Variants in EPHB2 observed in about 807,000 individuals in gnomAD.
The protein encoded by EPHB2 is ephrin type-B receptor 2.
Under a neutral mutation model 96.4 loss-of-function variants are expected in EPHB2, and 18 were observed. The observed-to-expected ratio is 0.19, with a 90% CI of 0.13 to 0.28. EPHB2 has a LOEUF of 0.28. Among genes scored for constraint, EPHB2 ranks in the 10% least tolerant of loss-of-function variants. The pLI is 1.00. For synonymous variants in EPHB2, 506 were observed against 534.1 expected, an observed-to-expected ratio of 0.95 and a Z score of 0.72; for missense variants, 989 against 1,355.4, an observed-to-expected ratio of 0.73 and a Z score of 4.25.
chr1:22,735,295 C>T (rs1643802885), intron 1 of EPHB2, among the ~76,000 whole-genome samples: 1 of 151,810 alleles, frequency 6.6e-6, no homozygotes, highest in South Asian at 2.1e-4. Context: ...TTTAATTAGT[C>T]AGGCATGGTG....
rs1418459860 is a variant in EPHB2, at chr1:22,906,861, C to T, written c.2040C>T (p.Pro680=). ...CCATCATGGGCCAGTTCGACCATCC[C>T]AACGTCATCCACCTGGAGGGTGTCG... ...EASIMGQFDH[P]NVIHLEGVVT... The change falls in exon 11 of 16, where the codon CCC becomes CCT. Residue 680 remains proline (P), a synonymous_variant. Transcript: ENST00000374630. This position sits in a 1 kb window ranked among gnomAD's most constrained non-coding sequence, Gnocchi z 4.8. 1 of 1,614,094 alleles carries T rather than the reference C, an allele frequency of 6.2e-7. No individual in the cohort carries two copies. The highest frequency in any genetic ancestry group is 8.5e-7 in the Non-Finnish European group (1 of 1,180,056).
chr1:22,882,850 T>C, intron 6 of EPHB2: 1 of 327,836 alleles, frequency 3.1e-6, no homozygotes, highest in Non-Finnish European at 6.0e-6. Flanking sequence ...TGATAATTAG[T>C]CACTCACCTC....
intron 3 of EPHB2, among the ~76,000 whole-genome samples, chr1:22,808,909 A>G (rs1384162215): frequency 6.6e-6 from 1 of 152,160 alleles, no homozygotes; most frequent in African/African-American, 2.4e-5. Context: ...CTCCATCGTC[A>G]TGGGACCTCG....
At chr1:22,797,933 T>C (rs377249837) in intron 3 of EPHB2, among the ~76,000 whole-genome samples, 42 of 152,114 alleles carry the variant, frequency 2.8e-4, no homozygotes, top group Non-Finnish European at 3.7e-4. Flanking sequence ...TGTCACCTGC[T>C]CACTGAGATC....
rs770822649 is a variant in EPHB2, at chr1:22,913,816, AT to A, written c.*252del. On this transcript the variant is annotated 3_prime_UTR_variant, in exon 16 of 16. Coordinates refer to ENST00000374630, the MANE Select transcript of EPHB2 (RefSeq NM_017449.5). The surrounding 1 kb of genome is among the most constrained non-coding windows in gnomAD (Gnocchi z 4.1). ...GGAGGGGGCGGGAAATACAAGGAATATTTTTTAAAGAGGATTCTCATAAGGA... is the reference window on the plus strand; with the variant it reads ...GGAGGGGGCGGGAAATACAAGGAATATTTTTAAAGAGGATTCTCATAAGGA... 6.2e-7 allele frequency: 1 copy of A among 1,610,696 alleles called. No individual in the cohort carries two copies. The highest frequency in any genetic ancestry group is 2.2e-5 in the East Asian group (1 of 44,846).
At chr1:22,817,307 T>A (rs1557692870) in intron 3 of EPHB2, among the ~76,000 whole-genome samples, 1 of 152,234 alleles carries the variant, frequency 6.6e-6, no homozygotes, top group African/African-American at 2.4e-5. Context: ...TGAATCCTCA[T>A]AACCACGCTC....
chr1:22,724,161 C>G (rs1040223260), intron 1 of EPHB2, among the ~76,000 whole-genome samples: 13 of 152,192 alleles, frequency 8.5e-5, no homozygotes, highest in African/African-American at 3.1e-4. Context: ...CACCTAGATT[C>G]AACAATCATC....
chr1:22,897,145 G>T (rs1639591261), intron 9 of EPHB2, among the ~76,000 whole-genome samples: 1 of 152,062 alleles, frequency 6.6e-6, no homozygotes, highest in African/African-American at 2.4e-5. Context: ...CCTATATCAG[G>T]CCAGGGCTGG....
At chr1:22,903,618 T>A (rs1272605524) in intron 9 of EPHB2, among the ~76,000 whole-genome samples, 1 of 152,218 alleles carries the variant, frequency 6.6e-6, no homozygotes, top group African/African-American at 2.4e-5. Context: ...ACAATTTCCT[T>A]ATGTGTGAAA....
chr1:22,875,193 T>C lies in EPHB2; in HGVS notation c.1304-7166T>C, dbSNP rs1438570438. On this transcript the variant is annotated intron_variant, in intron 5 of 15. Transcript: ENST00000374630. This position sits in a 1 kb window ranked among gnomAD's most constrained non-coding sequence, Gnocchi z 4.2. The stretch of plus-strand genomic sequence containing the variant: ...TTTGCAGAAATTCGGTTGTGAGAAT[T>C]ATCGTCAGGTCATCCAGAATTGCAG... 6.6e-6 allele frequency among the ~76,000 whole-genome samples: 1 copy of C among 152,172 alleles called. No individual in the cohort carries two copies. Among genetic ancestry groups the C allele is most frequent in the Non-Finnish European group, 1.5e-5 (1 of 68,028 alleles).
chr1:22,910,504 A>G lies in EPHB2; in HGVS notation c.2625A>G (p.Gln875=), dbSNP rs55993650. The G allele has an allele frequency of 9.2e-3, 14,925 of 1,614,204 alleles. 99 individuals carry two copies. The highest frequency in any genetic ancestry group is 0.012 in the Non-Finnish European group (13,796 of 1,180,028). The part of the protein sequence containing the change: ...KDRNHRPKFG[Q]IVNTLDKMIR... The stretch of plus-strand genomic sequence containing the variant: ...GCAACCACCGGCCCAAGTTCGGCCA[A>G]ATTGTCAACACGCTAGACAAGATGA... Residue 875 remains glutamine, a synonymous_variant, in exon 14 of 16, where the codon CAA becomes CAG. Coordinates refer to ENST00000374630, the MANE Select transcript of EPHB2 (RefSeq NM_017449.5).
chr1:22,902,270 C>A (rs1441713374), intron 9 of EPHB2, among the ~76,000 whole-genome samples: 2 of 152,196 alleles, frequency 1.3e-5, no homozygotes, highest in Non-Finnish European at 2.9e-5. Context: ...TGGCACTTAC[C>A]TGGTAGGGTT....
intron 3 of EPHB2, among the ~76,000 whole-genome samples, chr1:22,816,043 G>A (rs2148467702): frequency 6.6e-6 from 1 of 152,246 alleles, no homozygotes; most frequent in South Asian, 2.1e-4. Context: ...ACCTCTCTGG[G>A]CCTTCTTTTC....
At chr1:22,853,048 A>T (rs952978778) in intron 3 of EPHB2, among the ~76,000 whole-genome samples, 4 of 152,242 alleles carry the variant, frequency 2.6e-5, no homozygotes, top group Non-Finnish European at 4.4e-5. Flanking sequence ...GAATGAGCTT[A>T]AGCACAAGAT....
At chr1:22,885,127 T>A (rs1429861779) in intron 6 of EPHB2, among the ~76,000 whole-genome samples, 1 of 151,038 alleles carries the variant, frequency 6.6e-6, no homozygotes, top group East Asian at 1.9e-4. Flanking sequence ...GGAGCAGGAG[T>A]CCTGGGTCAC....
At chr1:22,842,999 T>C (rs1645491585) in intron 3 of EPHB2, among the ~76,000 whole-genome samples, 1 of 152,146 alleles carries the variant, frequency 6.6e-6, no homozygotes, top group Non-Finnish European at 1.5e-5. Context: ...TTTTCCCCAT[T>C]TGATGATAAA....
At chr1:22,912,846 A>G in intron 15 of EPHB2, 1 of 529,668 alleles carries the variant, frequency 1.9e-6, no homozygotes. Context: ...TCACCTACAA[A>G]CTGGGGGTTG....
At position 22,915,987 on chromosome 1, in the gene EPHB2, C is replaced by T. The variant is rs1402596141; in HGVS notation, c.*2417C>T. The T allele has an allele frequency of 6.6e-6, 1 of 152,440 alleles. No individual in the cohort carries two copies. Among genetic ancestry groups the T allele is most frequent in the African/African-American group, 2.4e-5 (1 of 41,462 alleles). 9.4% of individuals were successfully genotyped at this position (152,440 alleles called of 1,614,324 possible). A position where few individuals can be genotyped will look rare whatever the true frequency, so the allele number is the denominator to read the frequency against. ...TCTGTCACTCACCTGTTCCGGGAGC[C>T]TGAGCTGCAAAGGGAAGGAAGGGAT... On this transcript the variant is annotated 3_prime_UTR_variant, in exon 16 of 16. Transcript: ENST00000374630.
intron 7 of EPHB2, among the ~76,000 whole-genome samples, chr1:22,895,044 G>A: frequency 6.6e-6 from 1 of 152,208 alleles, no homozygotes; most frequent in African/African-American, 2.4e-5. Flanking sequence ...AAAGAGGTAA[G>A]TCACTTTGCC....
Sources: allele counts gnomAD v4.1 joint callset (sites outside exome capture counted in the v4.1 genomes callset), GRCh38; gene constraint gnomAD v4.1.1; non-coding constraint Gnocchi (gnomAD v3.1); transcripts MANE v1.5; gene names NCBI Gene and HGNC (gene_info 2026-07-23, HGNC 2026-07-21).